MCC: variants seen among roughly 807,000 people sequenced by gnomAD.
MCC encodes the protein colorectal mutant cancer protein.
MCC carries 90 observed loss-of-function variants against 116.2 expected under a neutral mutation model. That is an observed-to-expected ratio of 0.77 (90% CI 0.65 to 0.92). The LOEUF is 0.92. Ranked by LOEUF, MCC falls within the 40% of genes least tolerant of loss-of-function variation. The probability of loss-of-function intolerance (pLI) is 0.00; values close to 1 mark genes in which losing one functional copy is unlikely to be tolerated. For missense variants in MCC, 1,516 were observed against 1,312.2 expected, an observed-to-expected ratio of 1.16 and a Z score of -2.40; for synonymous variants, 578 against 510.5, an observed-to-expected ratio of 1.13 and a Z score of -1.78.
chr5:113,311,045 A>G (rs540101528), intron 3 of MCC, among the ~76,000 whole-genome samples: 1 of 152,300 alleles, frequency 6.6e-6, no homozygotes, highest in South Asian at 2.1e-4. Flanking sequence ...AGTGAGGATC[A>G]CTTGGATGCA....
chr5:113,024,562 G>GTAAC lies in MCC; in HGVS notation c.*2736_*2739dup, dbSNP rs1226074230. Reference sequence around the variant, plus strand: ...AGAGATGGTTACTGACTAAAAGGGGGTAACCACTGAGGAAACTAGGGAGAA... The same window carrying GTAAC: ...AGAGATGGTTACTGACTAAAAGGGGGTAACTAACCACTGAGGAAACTAGGGAGAA... On this transcript the variant is annotated 3_prime_UTR_variant, in exon 19 of 19. Coordinates refer to ENST00000408903, the MANE Select transcript of MCC (RefSeq NM_001085377.2). 1 of 152,186 alleles carries GTAAC rather than the reference G, an allele frequency of 6.6e-6. No individual in the cohort carries two copies. Among genetic ancestry groups the GTAAC allele is most frequent in the East Asian group, 1.9e-4 (1 of 5,202 alleles). The allele number at this position is 152,186 out of a possible 1,614,324, so 9.4% of individuals were successfully genotyped here. A position where few individuals can be genotyped will look rare whatever the true frequency, so the allele number is the denominator to read the frequency against.
chr5:113,396,753 A>G (rs1769535743), intron 1 of MCC, among the ~76,000 whole-genome samples: 1 of 152,156 alleles, frequency 6.6e-6, no homozygotes, highest in African/African-American at 2.4e-5. Context: ...AATTTTGTCT[A>G]TTTTCTTCAC....
intron 3 of MCC, among the ~76,000 whole-genome samples, chr5:113,331,138 G>A (rs1767686556): frequency 6.6e-6 from 1 of 152,178 alleles, no homozygotes; most frequent in Non-Finnish European, 1.5e-5. Flanking sequence ...GAACTGTGGA[G>A]AGGTTCTGGG....
At chr5:113,251,966 G>A (rs1764819907) in intron 3 of MCC, among the ~76,000 whole-genome samples, 1 of 152,140 alleles carries the variant, frequency 6.6e-6, no homozygotes, top group African/African-American at 2.4e-5. Flanking sequence ...CCTTAAAAGA[G>A]ACAATCAAAG....
intron 5 of MCC, among the ~76,000 whole-genome samples, chr5:113,133,740 C>T (rs1187126816): frequency 6.6e-6 from 1 of 152,152 alleles, no homozygotes; most frequent in African/African-American, 2.4e-5. Flanking sequence ...TACATTTCTG[C>T]CAAGAGTGTA....
At chr5:113,126,834 A>G (rs1435734633) in intron 5 of MCC, among the ~76,000 whole-genome samples, 1 of 152,152 alleles carries the variant, frequency 6.6e-6, no homozygotes, top group Non-Finnish European at 1.5e-5. Context: ...TTAACTGCAC[A>G]GTGTAGGGGT....
chr5:113,199,117 A>AGGTTGCAGTGAGCCC (rs2150317738), intron 3 of MCC, among the ~76,000 whole-genome samples: 1 of 152,180 alleles, frequency 6.6e-6, no homozygotes, highest in African/African-American at 2.4e-5. Flanking sequence ...GCAGTGAGCC[A>AGGTTGCAGTGAGCCC]AGATTGCACC....
intron 1 of MCC, among the ~76,000 whole-genome samples, chr5:113,416,411 C>T (rs1770149824): frequency 6.6e-6 from 1 of 151,392 alleles, no homozygotes; most frequent in Non-Finnish European, 1.5e-5. Context: ...GCCTGGGCAA[C>T]AAGAGATCCC....
chr5:113,198,520 C>T (rs1762528478), intron 3 of MCC, among the ~76,000 whole-genome samples: 1 of 144,938 alleles, frequency 6.9e-6, no homozygotes, highest in African/African-American at 2.7e-5. Flanking sequence ...CATAGTGAGA[C>T]TCTGTCCCTA....
chr5:113,294,230 G>C (rs1766625327), intron 3 of MCC: 40 of 1,472,400 alleles, frequency 2.7e-5, no homozygotes, highest in Non-Finnish European at 3.7e-5. Flanking sequence ...GGAGCACAGG[G>C]GGATAGGGTG....
intron 5 of MCC, among the ~76,000 whole-genome samples, chr5:113,130,418 T>C (rs1284128195): frequency 3.3e-5 from 5 of 152,090 alleles, no homozygotes; most frequent in African/African-American, 1.2e-4. Flanking sequence ...ATGGCACATG[T>C]ATACCTATGT....
At chr5:113,263,086 A>G (rs1166048882) in intron 3 of MCC, among the ~76,000 whole-genome samples, 1 of 152,128 alleles carries the variant, frequency 6.6e-6, no homozygotes, top group African/African-American at 2.4e-5. Flanking sequence ...ATAAGAAACC[A>G]AAAGTCCTCA....
rs1374780694 is a variant in MCC at position 113,434,392 on chromosome 5, T to C, written c.171-49180A>G. On this transcript the variant is annotated intron_variant, in intron 1 of 18. Coordinates refer to ENST00000408903, the MANE Select transcript of MCC (RefSeq NM_001085377.2). This position sits in a 1 kb window ranked among gnomAD's most constrained non-coding sequence, Gnocchi z 4.2. ...GAGAAGCTGAAGTCGGACAGCTTGA[T>C]GTTGAAGTCCTTGTCAAGGAGAAGG... is the stretch of plus-strand genomic sequence containing the variant. 10 of 1,613,688 alleles carry C rather than the reference T, an allele frequency of 6.2e-6. No individual in the cohort carries two copies. The highest frequency in any genetic ancestry group is 1.3e-5 in the African/African-American group (1 of 74,904).
At chr5:113,101,642 G>A (rs1756416582) in intron 8 of MCC, 97 bp downstream of exon 8, 1 of 1,270,144 alleles carries the variant, frequency 7.9e-7, no homozygotes, top group Non-Finnish European at 1.1e-6. Context: ...AATTACAAAT[G>A]CCACAAAATT....
At chr5:113,352,611 G>C (rs534471851) in intron 2 of MCC, among the ~76,000 whole-genome samples, 1 of 152,110 alleles carries the variant, frequency 6.6e-6, no homozygotes, top group Admixed American at 6.5e-5. Context: ...AAAGTTCTAT[G>C]ACTTTTCTGA....
chr5:113,470,557 A>G (rs181359935), intron 1 of MCC, among the ~76,000 whole-genome samples: 2 of 152,168 alleles, frequency 1.3e-5, no homozygotes. Flanking sequence ...ATCAGCTGTT[A>G]GTCTGATGGG....
intron 2 of MCC, among the ~76,000 whole-genome samples, chr5:113,357,615 G>A (rs1768445503): frequency 6.6e-6 from 1 of 152,174 alleles, no homozygotes; most frequent in Admixed American, 6.5e-5. Context: ...TTCCCGATAA[G>A]ATCTCAGGAG....
At chr5:113,250,799 C>G (rs560145386) in intron 3 of MCC, among the ~76,000 whole-genome samples, 1 of 152,164 alleles carries the variant, frequency 6.6e-6, no homozygotes, top group Non-Finnish European at 1.5e-5. Context: ...ATTCCACTCC[C>G]TCTACTTCCT....
At chr5:113,080,390 C>G (rs1754767503) in intron 11 of MCC, among the ~76,000 whole-genome samples, 1 of 152,310 alleles carries the variant, frequency 6.6e-6, no homozygotes, top group South Asian at 2.1e-4. Context: ...ATAGCAAAGA[C>G]TTGGAACCAA....
Sources: gnomAD v4.1 joint callset for allele counts (sites outside exome capture counted in the v4.1 genomes callset) on GRCh38, gnomAD v4.1.1 for gene constraint, Gnocchi (gnomAD v3.1) non-coding constraint, MANE v1.5 for transcripts, NCBI Gene and HGNC (gene_info 2026-07-23, HGNC 2026-07-21) for gene names.